PGLYRP4: variants seen among roughly 807,000 people sequenced by gnomAD.
The protein encoded by PGLYRP4 is PGRP-I-beta.
PGLYRP4 carries 39 observed loss-of-function variants against 41.2 expected under a neutral mutation model. The observed-to-expected ratio is 0.95, with a 90% CI of 0.73 to 1.24. The LOEUF (loss-of-function observed/expected upper bound fraction) is 1.24. Among genes scored for constraint, PGLYRP4 ranks in the 50% most tolerant of loss-of-function variants. The pLI is 0.00. For missense variants in PGLYRP4, 467 were observed against 460.7 expected (o/e 1.01, Z -0.13); for synonymous variants, 202 against 186.8 (o/e 1.08, Z -0.66).
intron 3 of PGLYRP4, 110 bp from the exon 4 acceptor site, chr1:153,345,492 C>T: frequency 1.1e-6 from 1 of 912,330 alleles, no homozygotes; most frequent in Non-Finnish European, 1.8e-6. Flanking sequence ...GAGCCTTCAG[C>T]AGGCAGGTGC....
chr1:153,337,404 A>G (rs1660614420), intron 7 of PGLYRP4, 105 bp from the exon 8 acceptor site: 2 of 691,578 alleles, frequency 2.9e-6, no homozygotes, highest in Non-Finnish European at 4.9e-6. Context: ...GACTTTGATT[A>G]TCTATTGGAT....
rs112997425 is a variant in PGLYRP4, at chr1:153,330,685, G to A, written c.*82C>T. The stretch of plus-strand genomic sequence containing the variant: ...GTGTGGCAGGGGAGGAGGGCAAAAG[G>A]TGTTGAGCCAAGCTGGATGGTTAGG... On this transcript the variant is annotated 3_prime_UTR_variant, in exon 9 of 9. Coordinates refer to ENST00000359650, the MANE Select transcript of PGLYRP4 (RefSeq NM_020393.4). 3.3e-6 allele frequency: 4 copies of A among 1,220,576 alleles called. No individual in the cohort carries two copies. The highest frequency in any genetic ancestry group is 3.5e-6 in the Non-Finnish European group (3 of 848,462). 75.6% of individuals were successfully genotyped at this position (1,220,576 alleles called of 1,614,324 possible).
chr1:153,345,647 T>C lies in PGLYRP4; in HGVS notation c.140-265A>G, dbSNP rs1181728506. ...TCCTCCCCTGCTGTGGTCCAGGCTC[T>C]GCACTTCAGGAAGCATCACCTGCTT... is the stretch of plus-strand genomic sequence containing the variant. On this transcript the variant is annotated intron_variant, in intron 3 of 8. Coordinates refer to ENST00000359650, the MANE Select transcript of PGLYRP4 (RefSeq NM_020393.4). 3.9e-5 allele frequency among the ~76,000 whole-genome samples: 6 copies of C among 152,246 alleles called. No individual in the cohort carries two copies. The East Asian group carries it at 1.2e-3, about 29-fold the overall frequency.
chr1:153,339,840 C>T (rs537629214), intron 7 of PGLYRP4, among the ~76,000 whole-genome samples: 1 of 152,088 alleles, frequency 6.6e-6, no homozygotes, highest in Non-Finnish European at 1.5e-5. Context: ...AATCACAGAC[C>T]TTAGCATTAG....
rs199911298 is a variant in PGLYRP4, at chr1:153,345,156, A to T, written c.353+13T>A. ...ACTGACCATGTGCCGTGGGACCCAG[A>T]CCCAGCTCTTACTTGTAGGCCACAT... On this transcript the variant is annotated intron_variant, in intron 4 of 8. Coordinates refer to ENST00000359650, the MANE Select transcript of PGLYRP4 (RefSeq NM_020393.4). The T allele has an allele frequency of 3.9e-5, 62 of 1,597,062 alleles. No individual in the cohort carries two copies. Among genetic ancestry groups the T allele is most frequent in the Non-Finnish European group, 4.9e-5 (57 of 1,170,786 alleles).
rs372277253 is a variant in PGLYRP4 at position 153,332,742 on chromosome 1, A to G, written c.944-1797T>C. Among the ~76,000 whole-genome samples, 21 of 152,288 alleles carry G rather than the reference A, an allele frequency of 1.4e-4. No individual in the cohort carries two copies. The East Asian group carries it at 1.5e-3, about 11-fold the overall frequency. ...TACCAAGAGTAACTCTCAAAACTAT[A>G]CAAATACATGGAAATTAAACAACCT... On this transcript the variant is annotated intron_variant, in intron 8 of 8. Coordinates refer to ENST00000359650, the MANE Select transcript of PGLYRP4 (RefSeq NM_020393.4).
chr1:153,334,285 A>C (rs1477032351), intron 8 of PGLYRP4, among the ~76,000 whole-genome samples: 1 of 151,512 alleles, frequency 6.6e-6, no homozygotes, highest in Admixed American at 6.6e-5. Context: ...TCAAGAACTC[A>C]ATTCCATATA....
At chr1:153,332,429 G>T (rs1417075217) in intron 8 of PGLYRP4, among the ~76,000 whole-genome samples, 1 of 152,052 alleles carries the variant, frequency 6.6e-6, no homozygotes, top group Non-Finnish European at 1.5e-5. Flanking sequence ...TATAATAATA[G>T]TGGAGAGCTT....
At position 153,330,827 on chromosome 1, in the gene PGLYRP4, G is replaced by T. The variant is rs569872616; in HGVS notation, c.1062C>A (p.Thr354=). ...TGTACAAAGCCTGCCCAGGAGACAA[G>T]GTTCGGGCCACATCACTGTGGCCCA... ...LLVGHSDVAR[T]LSPGQALYNI... Residue 354 remains threonine, a synonymous_variant, in exon 9 of 9, where the codon ACC becomes ACA. Coordinates refer to ENST00000359650, the MANE Select transcript of PGLYRP4 (RefSeq NM_020393.4). The T allele has an allele frequency of 2.5e-6, 4 of 1,614,056 alleles. No homozygotes were observed. In the East Asian group the frequency reaches 8.9e-5, roughly 36 times the overall value.
chr1:153,341,414 G>A (rs1404103361), intron 6 of PGLYRP4, among the ~76,000 whole-genome samples: 1 of 152,198 alleles, frequency 6.6e-6, no homozygotes, highest in Non-Finnish European at 1.5e-5. Flanking sequence ...TAATGCTATG[G>A]CTCTTTCATA....
Position 153,337,245 on chromosome 1 carries a change from T to G in PGLYRP4, c.879A>C (p.Gln293His), listed in dbSNP as rs1301493023. ...AIYEGVGWNVQGSSTPGYDDI... is the reference protein window; with the variant it reads ...AIYEGVGWNVHGSSTPGYDDI... ...CATCGTAGCCAGGGGTGGAGGAGCC[T>G]TGGACATTCCAGCCCACCCCTTCAT... The change falls in exon 8 of 9, where the codon CAA becomes CAC. Residue 293 changes from glutamine (Q) to histidine (H), a missense_variant. By Grantham distance (24) the Gln-to-His change is conservative. Transcript: ENST00000359650. 4 of 1,613,602 alleles carry G rather than the reference T, an allele frequency of 2.5e-6. No individual in the cohort carries two copies. In the Admixed American group the frequency reaches 6.7e-5, roughly 27 times the overall value.
At chr1:153,336,356 C>T (rs566018230) in intron 8 of PGLYRP4, among the ~76,000 whole-genome samples, 46 of 100,718 alleles carry the variant, frequency 4.6e-4, no homozygotes, top group Non-Finnish European at 5.8e-4. Context: ...GGTGACAGAG[C>T]GAGACTCCAT....
At chr1:153,345,996 TC>T in intron 3 of PGLYRP4, 105 bp downstream of exon 3, 1 of 817,850 alleles carries the variant, frequency 1.2e-6, no homozygotes, top group Non-Finnish European at 2.1e-6. Flanking sequence ...AACCCCATTT[TC>T]CCCCTCCCAG....
chr1:153,332,305 T>C (rs1660373765), intron 8 of PGLYRP4, among the ~76,000 whole-genome samples: 1 of 152,170 alleles, frequency 6.6e-6, no homozygotes, highest in African/African-American at 2.4e-5. Flanking sequence ...CATATATATA[T>C]AATGCAACAT....
intron 8 of PGLYRP4, among the ~76,000 whole-genome samples, chr1:153,335,430 A>G (rs546820669): frequency 6.6e-6 from 1 of 152,360 alleles, no homozygotes; most frequent in South Asian, 2.1e-4. Flanking sequence ...GCCAAAAACC[A>G]TGAAAAAATG....
intron 8 of PGLYRP4, 39 bp downstream of exon 8, chr1:153,337,142 T>G (rs1660600935): frequency 7.5e-7 from 1 of 1,333,522 alleles, no homozygotes; most frequent in African/African-American, 1.4e-5. Flanking sequence ...CTCTTTCAAA[T>G]ACCATGCAAT....
chr1:153,347,905 C>G lies in PGLYRP4; in HGVS notation c.28G>C (p.Ala10Pro). Residue 10 changes from alanine (A) to proline (P), a missense_variant, in exon 2 of 9, where the codon GCT becomes CCT. Coordinates refer to ENST00000359650, the MANE Select transcript of PGLYRP4 (RefSeq NM_020393.4). MLPWLLVFS[A>P]LGIQAWGDSS... is the part of the protein sequence containing the mutation. ...TTACCCCAGGCCTGGATACCCAGAG[C>G]AGAGAAGACAAGAAGCCACGGCAGC... 1.2e-6 allele frequency: 2 copies of G among 1,613,582 alleles called. No homozygotes were observed. The highest frequency in any genetic ancestry group is 1.7e-6 in the Non-Finnish European group (2 of 1,179,558).
At chr1:153,339,144 T>C (rs1660692795) in intron 7 of PGLYRP4, among the ~76,000 whole-genome samples, 1 of 152,216 alleles carries the variant, frequency 6.6e-6, no homozygotes, top group African/African-American at 2.4e-5. Flanking sequence ...GACAGGCAAC[T>C]ACCCTCTGAG....
chr1:153,337,073 C>A, intron 8 of PGLYRP4, 108 bp downstream of exon 8: 1 of 863,760 alleles, frequency 1.2e-6, no homozygotes, highest in Non-Finnish European at 2.0e-6. Flanking sequence ...GTCAATCAAG[C>A]ATATGCAGGC....
Sources: allele counts gnomAD v4.1 joint callset (sites outside exome capture counted in the v4.1 genomes callset), GRCh38; gene constraint gnomAD v4.1.1; transcripts MANE v1.5; gene names NCBI Gene and HGNC (gene_info 2026-07-23, HGNC 2026-07-21).